The following CDH19 variants were observed in gnomAD, a reference collection of about 807,000 sequenced individuals.
CDH19 encodes the protein cadherin-19.
A neutral mutation model predicts 64.2 loss-of-function variants in CDH19; 67 were observed. The ratio of observed to expected loss-of-function variants is 1.04; its 90% confidence interval spans 0.86 to 1.28. The LOEUF is 1.28. Among genes scored for constraint, CDH19 ranks in the 50% most tolerant of loss-of-function variants. The probability of loss-of-function intolerance (pLI) is 0.00; values close to 1 mark genes in which losing one functional copy is unlikely to be tolerated. For missense variants in CDH19, 1,030 were observed against 929.0 expected (o/e 1.11, Z -1.41); for synonymous variants, 346 against 319.3 (o/e 1.08, Z -0.89).
At chr18:66,543,892 A>T (rs2144486267) in intron 7 of CDH19, 79 bp downstream of exon 7, 4 of 1,094,864 alleles carry the variant, frequency 3.7e-6, no homozygotes, top group South Asian at 1.8e-5. Flanking sequence ...CAATTAAAAA[A>T]AAGATTGCAT....
rs112147729 is a variant in CDH19 at position 66,532,078 on chromosome 18, T to C, written c.1337-2112A>G. Among the ~76,000 whole-genome samples the C allele has an allele frequency of 9.2e-3, 1,397 of 152,198 alleles. 17 individuals are homozygous for C. Among genetic ancestry groups the C allele is most frequent in the African/African-American group, 0.031 (1,280 of 41,550 alleles). ...ACCTCCTAGGCTCAAGCGATTCTCCTGCCTCAGCCTCCCTAGTAGCTGAAA... is the reference window on the plus strand; with the variant it reads ...ACCTCCTAGGCTCAAGCGATTCTCCCGCCTCAGCCTCCCTAGTAGCTGAAA... On this transcript the variant is annotated intron_variant, in intron 8 of 11. Coordinates refer to ENST00000262150, the MANE Select transcript of CDH19 (RefSeq NM_021153.4).
intron 5 of CDH19, among the ~76,000 whole-genome samples, chr18:66,545,942 T>C (rs1355213373): frequency 1.8e-5 from 2 of 110,844 alleles, no homozygotes; most frequent in Non-Finnish European, 3.7e-5. Flanking sequence ...TACAAATTGC[T>C]GGGCACTTTT....
At chr18:66,567,871 C>T (rs1987964266) in intron 3 of CDH19, among the ~76,000 whole-genome samples, 1 of 151,744 alleles carries the variant, frequency 6.6e-6, no homozygotes, top group Non-Finnish European at 1.5e-5. Context: ...CCATTCTCTC[C>T]TAAATGCATT....
Position 66,509,020 on chromosome 18 carries a change from A to C in CDH19, c.1803T>G (p.Ile601Met), listed in dbSNP as rs764929174. Residue 601 changes from isoleucine to methionine, a missense_variant, in exon 11 of 12, where the codon ATT (isoleucine) becomes ATG (methionine). Ile to Met is a conservative substitution (Grantham distance 10, BLOSUM62 1). Transcript: ENST00000262150. Reference protein sequence around the residue: ...MGFKTEVIIAILICIMIIFGF... With the variant: ...MGFKTEVIIAMLICIMIIFGF... ...CAAATATGATCATAATGCAAATGAG[A>C]ATAGCAATGATGACTTCTGTCTTGA... The C allele has an allele frequency of 6.2e-7, 1 of 1,611,590 alleles. No homozygotes were observed. The highest frequency in any genetic ancestry group is 1.7e-5 in the Admixed American group (1 of 59,802).
intron 9 of CDH19, among the ~76,000 whole-genome samples, chr18:66,526,592 T>C (rs1485343180): frequency 1.3e-5 from 2 of 152,134 alleles, no homozygotes; most frequent in Non-Finnish European, 2.9e-5. Context: ...GTAGACACTT[T>C]TATAAATCTA....
chr18:66,508,353 G>A (rs1985302773), intron 11 of CDH19, among the ~76,000 whole-genome samples: 1 of 150,590 alleles, frequency 6.6e-6, no homozygotes, highest in South Asian at 2.1e-4. Flanking sequence ...TAATAATAAG[G>A]TATTTTATAC....
chr18:66,533,777 T>C (rs1323856002), intron 8 of CDH19, among the ~76,000 whole-genome samples: 1 of 152,080 alleles, frequency 6.6e-6, no homozygotes. Context: ...ATCAGTATAA[T>C]TGCTATGGTG....
At chr18:66,595,631 G>C (rs1988866764) in intron 1 of CDH19, among the ~76,000 whole-genome samples, 1 of 151,104 alleles carries the variant, frequency 6.6e-6, no homozygotes, top group Admixed American at 6.6e-5. Flanking sequence ...GGAAGAAACT[G>C]AAAGAGATTA....
At position 66,572,088 on chromosome 18, in the gene CDH19, C is replaced by G. The variant is rs1192964624; in HGVS notation, c.117G>C (p.Leu39Phe). 6.2e-7 allele frequency: 1 copy of G among 1,611,650 alleles called. No individual in the cohort carries two copies. Among genetic ancestry groups the G allele is most frequent in the Middle Eastern group, 1.7e-4 (1 of 6,042 alleles). ...KKVKQPVRSHLRVKRGWVWNQ... is the reference protein window; with the variant it reads ...KKVKQPVRSHFRVKRGWVWNQ... ...TCCACACCCAGCCACGCTTCACTCT[C>G]AAATGAGATCGCACTGGCTGCTTGA... The change falls in exon 2 of 12, where the codon TTG (leucine) becomes TTC (phenylalanine). Residue 39 changes from leucine (L) to phenylalanine (F), a missense_variant. Leu to Phe is a conservative substitution (Grantham distance 22). Coordinates refer to ENST00000262150, the MANE Select transcript of CDH19 (RefSeq NM_021153.4).
intron 9 of CDH19, among the ~76,000 whole-genome samples, chr18:66,520,345 T>TTG (rs1188420899): frequency 3.3e-5 from 5 of 151,140 alleles, no homozygotes; most frequent in African/African-American, 9.7e-5. Context: ...ATAGCTGTTT[T>TTG]TTTTTTTTTT....
intron 1 of CDH19, among the ~76,000 whole-genome samples, chr18:66,579,950 T>C (rs76378953): frequency 0.015 from 2,216 of 152,140 alleles, 50 homozygotes; most frequent in African/African-American, 0.05. Flanking sequence ...ATATTTTCTT[T>C]AAAATATCTC....
intron 1 of CDH19, among the ~76,000 whole-genome samples, chr18:66,597,780 A>C (rs933897329): frequency 6.6e-6 from 1 of 152,114 alleles, no homozygotes; most frequent in African/African-American, 2.4e-5. Context: ...ACATGGGCAA[A>C]AGATATGAAC....
chr18:66,578,727 C>G (rs1450839055), intron 1 of CDH19, among the ~76,000 whole-genome samples: 6 of 151,582 alleles, frequency 4.0e-5, no homozygotes, highest in African/African-American at 1.5e-4. Flanking sequence ...TTATTTGTAA[C>G]AGAAAGAAAC....
chr18:66,544,927 T>A (rs765352281), intron 5 of CDH19, 24 bp from the exon 6 acceptor site: 1 of 1,524,852 alleles, frequency 6.6e-7, no homozygotes, highest in African/African-American at 1.4e-5. Flanking sequence ...ATTGGAGGTA[T>A]TTTGGATAAA....
In CDH19 at chr18:66,535,053, A is replaced by G; in HGVS notation, c.1269T>C (p.Thr423=). Residue 423 remains threonine (T), a synonymous_variant, in exon 8 of 12, where the codon ACT becomes ACC. Coordinates refer to ENST00000262150, the MANE Select transcript of CDH19 (RefSeq NM_021153.4). ...TTTCACGATCCAGTGAGTTACTTGT[A>G]GTGATTGTACCATTATCATTGATAT... ...VFNINDNGTI[T]TSNSLDREIS... 6.6e-7 allele frequency: 1 copy of G among 1,518,530 alleles called. No homozygotes were observed. Among genetic ancestry groups the G allele is most frequent in the Non-Finnish European group, 9.0e-7 (1 of 1,116,436 alleles). 94.1% of individuals were successfully genotyped at this position (1,518,530 alleles called of 1,614,324 possible).
At chr18:66,599,907 G>A (rs549188387) in intron 1 of CDH19, among the ~76,000 whole-genome samples, 11 of 151,982 alleles carry the variant, frequency 7.2e-5, no homozygotes, top group East Asian at 1.9e-4. Flanking sequence ...TAAAGTATAC[G>A]TCCAAGGGTT....
At chr18:66,584,784 A>G (rs972179742) in intron 1 of CDH19, among the ~76,000 whole-genome samples, 2 of 152,138 alleles carry the variant, frequency 1.3e-5, no homozygotes, top group African/African-American at 4.8e-5. Flanking sequence ...GTTTGCAGTC[A>G]AACCTGTACA....
chr18:66,557,478 A>T (rs1045956119), intron 3 of CDH19, among the ~76,000 whole-genome samples: 4 of 152,056 alleles, frequency 2.6e-5, no homozygotes, highest in Non-Finnish European at 4.4e-5. Flanking sequence ...CTAAAAGGTC[A>T]AATTCTTAGA....
intron 1 of CDH19, among the ~76,000 whole-genome samples, chr18:66,592,991 C>T (rs1026820919): frequency 1.3e-5 from 2 of 151,828 alleles, no homozygotes; most frequent in African/African-American, 2.4e-5. Flanking sequence ...TACTGTTTTA[C>T]ATAATGGCTG....
Sources: allele counts gnomAD v4.1 joint callset (sites outside exome capture counted in the v4.1 genomes callset), GRCh38; gene constraint gnomAD v4.1.1; transcripts MANE v1.5; gene names NCBI Gene and HGNC (gene_info 2026-07-23, HGNC 2026-07-21).